CRIM1: variants seen among roughly 807,000 people sequenced by gnomAD.
CRIM1 encodes the protein cysteine-rich motor neuron 1 protein.
In CRIM1, 32 loss-of-function variants were observed where a neutral mutation model predicts 116.4. That is an observed-to-expected ratio of 0.27 (90% CI 0.21 to 0.37). The LOEUF is 0.37. Among genes scored for constraint, CRIM1 ranks in the 10% least tolerant of loss-of-function variants. The pLI is 1.00. For synonymous variants in CRIM1, 590 were observed against 509.2 expected (o/e 1.16, Z -2.13); for missense variants, 1,331 against 1,354.8 (o/e 0.98, Z 0.28).
In CRIM1 at chr2:36,396,644, G is replaced by C. The variant is rs1157616979; in HGVS notation, c.362G>C (p.Gly121Ala). ...AACTGGACTGATGACCAACTGCTTG[G>C]TTTTAAACCATGCAATGAAAACCTT... is the stretch of plus-strand genomic sequence containing the variant. ...DENWTDDQLL[G>A]FKPCNENLIA... is the part of the protein sequence containing the mutation. The change falls in exon 2 of 17, where the codon GGT becomes GCT. Residue 121 changes from glycine (G) to alanine (A), a missense_variant. Gly to Ala is a moderately conservative substitution (Grantham distance 60, BLOSUM62 0). This residue lies in a region of CRIM1 where 690 missense variants were observed against 676.0 expected (regional missense o/e 1.02). Coordinates refer to ENST00000280527, the MANE Select transcript of CRIM1 (RefSeq NM_016441.3). The C allele has an allele frequency of 6.2e-7, 1 of 1,611,758 alleles. No individual in the cohort carries two copies. Among genetic ancestry groups the C allele is most frequent in the Non-Finnish European group, 8.5e-7 (1 of 1,178,276 alleles).
chr2:36,457,770 C>T (rs544594224), intron 4 of CRIM1, among the ~76,000 whole-genome samples: 1 of 151,448 alleles, frequency 6.6e-6, no homozygotes, highest in Admixed American at 6.6e-5. Context: ...AAAAAAAAAA[C>T]TTACACATTC....
chr2:36,544,355 A>G, intron 14 of CRIM1, 21 bp from the exon 15 acceptor site: 2 of 1,334,122 alleles, frequency 1.5e-6, no homozygotes, highest in East Asian at 2.8e-5. Context: ...ATCTCTTAGG[A>G]AAAATGTTCC....
intron 1 of CRIM1, among the ~76,000 whole-genome samples, chr2:36,373,201 C>G (rs896979941): frequency 6.6e-6 from 1 of 152,142 alleles, no homozygotes; most frequent in Admixed American, 6.6e-5. Flanking sequence ...GGACCCAGAA[C>G]TGTTCTTGCT....
intron 8 of CRIM1, among the ~76,000 whole-genome samples, chr2:36,506,155 ACACTCT>A (rs1401160253): frequency 9.7e-5 from 10 of 103,178 alleles, no homozygotes; most frequent in African/African-American, 3.9e-4. Flanking sequence ...ACACACACAC[ACACTCT>A]CTCTCTCTCT....
chr2:36,488,576 T>A (rs1331470421), intron 7 of CRIM1, among the ~76,000 whole-genome samples: 1 of 152,216 alleles, frequency 6.6e-6, no homozygotes, highest in Non-Finnish European at 1.5e-5. Flanking sequence ...TGCATTTTGT[T>A]TTATAAATAT....
At chr2:36,488,160 A>G (rs147002803) in intron 7 of CRIM1, among the ~76,000 whole-genome samples, 161 of 152,224 alleles carry the variant, frequency 1.1e-3, no homozygotes, top group Middle Eastern at 6.8e-3. Flanking sequence ...TCACTGTTAA[A>G]CCCCCATTAG....
At chr2:36,486,132 G>T (rs1291216482) in intron 7 of CRIM1, among the ~76,000 whole-genome samples, 1 of 152,118 alleles carries the variant, frequency 6.6e-6, no homozygotes, top group African/African-American at 2.4e-5. Flanking sequence ...TAAAGTAAAT[G>T]CAAAAGACAC....
chr2:36,363,446 C>T (rs1669366669), intron 1 of CRIM1, among the ~76,000 whole-genome samples: 1 of 151,462 alleles, frequency 6.6e-6, no homozygotes, highest in Non-Finnish European at 1.5e-5. Flanking sequence ...TCCCCATCTA[C>T]CTCAGTCATT....
At chr2:36,363,251 G>C (rs570923135) in intron 1 of CRIM1, among the ~76,000 whole-genome samples, 2 of 151,466 alleles carry the variant, frequency 1.3e-5, no homozygotes, top group South Asian at 4.2e-4. Flanking sequence ...TCTGCACTCT[G>C]CTTCTGTGTG....
chr2:36,515,043 C>T (rs1458371942), intron 11 of CRIM1, among the ~76,000 whole-genome samples: 1 of 152,210 alleles, frequency 6.6e-6, no homozygotes, highest in African/African-American at 2.4e-5. Flanking sequence ...CTAGAGTCCC[C>T]TGCATAAGAA....
At chr2:36,417,860 G>C (rs1673745063) in intron 2 of CRIM1, among the ~76,000 whole-genome samples, 1 of 152,178 alleles carries the variant, frequency 6.6e-6, no homozygotes, top group Non-Finnish European at 1.5e-5. Context: ...ACTGAGAAAG[G>C]AGTTATATTC....
At chr2:36,403,284 T>C (rs1672552433) in intron 2 of CRIM1, among the ~76,000 whole-genome samples, 1 of 152,238 alleles carries the variant, frequency 6.6e-6, no homozygotes, top group Non-Finnish European at 1.5e-5. Context: ...TCCTCTGTTT[T>C]AGCTGAAAAC....
chr2:36,409,750 CTTCTTTG>C (rs1285927504), intron 2 of CRIM1, among the ~76,000 whole-genome samples: 1 of 152,190 alleles, frequency 6.6e-6, no homozygotes, highest in Non-Finnish European at 1.5e-5. Context: ...AGAATTGGCA[CTTCTTTG>C]TTCTTTGTGA....
chr2:36,518,659 T>A (rs1665180457), intron 12 of CRIM1, among the ~76,000 whole-genome samples: 1 of 152,202 alleles, frequency 6.6e-6, no homozygotes, highest in Non-Finnish European at 1.5e-5. Flanking sequence ...ACTACAGCTT[T>A]TCTAGTATAA....
chr2:36,359,689 C>T (rs1026522328), intron 1 of CRIM1, among the ~76,000 whole-genome samples: 4 of 152,032 alleles, frequency 2.6e-5, no homozygotes, highest in Admixed American at 6.6e-5. Context: ...ATTTCTTTTC[C>T]GCATTGTTTA....
chr2:36,546,758 C>T (rs1054767821), intron 15 of CRIM1, among the ~76,000 whole-genome samples: 3 of 142,136 alleles, frequency 2.1e-5, no homozygotes, highest in Non-Finnish European at 3.0e-5. Context: ...AAGATTCTCA[C>T]TCTGATTTTT....
intron 3 of CRIM1, 57 bp from the exon 4 acceptor site, chr2:36,442,558 A>T (rs922842358): frequency 6.2e-7 from 1 of 1,606,060 alleles, no homozygotes; most frequent in Non-Finnish European, 8.5e-7. Context: ...TCATTTAGGG[A>T]CTCCAAAAGC....
rs1675967205 is a variant in CRIM1, at chr2:36,442,875, A to C, written c.869+140A>C. On this transcript the variant is annotated intron_variant, in intron 4 of 16. Coordinates refer to ENST00000280527, the MANE Select transcript of CRIM1 (RefSeq NM_016441.3). ...TGGAAGAAATCACTGAACTGTTTGC[A>C]TTACTTGGTATTTATATGTATCTTT... 4 of 960,242 alleles carry C rather than the reference A, an allele frequency of 4.2e-6. No individual in the cohort carries two copies. In the East Asian group the frequency reaches 9.8e-5, roughly 24 times the overall value. The allele number at this position is 960,242 out of a possible 1,614,324, so 59.5% of individuals were successfully genotyped here. A position where few individuals can be genotyped will look rare whatever the true frequency, so the allele number is the denominator to read the frequency against.
At position 36,512,345 on chromosome 2, in the gene CRIM1, C is replaced by A; in HGVS notation, c.1731C>A (p.Pro577=). 1 of 1,613,896 alleles carries A rather than the reference C, an allele frequency of 6.2e-7. No individual in the cohort carries two copies. ...AGCTCTCATGCAGTAAGATCTGCCC[C>A]TTGGGTTTCCAGCAGGACAGTCACG... ...CPELSCSKIC[P]LGFQQDSHGC... Residue 577 remains proline (P), a synonymous_variant, in exon 10 of 17, where the codon CCC becomes CCA. Transcript: ENST00000280527.
Sources: allele counts gnomAD v4.1 joint callset (sites outside exome capture counted in the v4.1 genomes callset), GRCh38; gene constraint gnomAD v4.1.1; regional missense constraint gnomAD v4.1.1; transcripts MANE v1.5; gene names NCBI Gene and HGNC (gene_info 2026-07-23, HGNC 2026-07-21).